HCN1: variants seen among roughly 807,000 people sequenced by gnomAD.
The protein encoded by HCN1 is hyperpolarization activated cyclic nucleotide gated potassium channel 1.
In HCN1, 13 loss-of-function variants were observed where a neutral mutation model predicts 78.9. The ratio of observed to expected loss-of-function variants is 0.16; its 90% CI spans 0.11 to 0.26. The LOEUF is 0.26. Among genes scored for constraint, HCN1 ranks in the 10% least tolerant of loss-of-function variants. HCN1 has a pLI of 1.00. For missense variants in HCN1, 810 were observed against 1,154.3 expected (o/e 0.70, Z 4.32); for synonymous variants, 552 against 455.5 (o/e 1.21, Z -2.70).
At chr5:45,452,332 G>GT (rs1232001069) in intron 3 of HCN1, among the ~76,000 whole-genome samples, 1,663 of 128,534 alleles carry the variant, frequency 0.013, 16 homozygotes, top group African/African-American at 0.025. Context: ...TTTTTTTTTT[G>GT]TTTTTTTTTT....
chr5:45,694,757 G>A (rs188996186), intron 1 of HCN1, among the ~76,000 whole-genome samples: 96 of 152,274 alleles, frequency 6.3e-4, no homozygotes, highest in Non-Finnish European at 8.1e-4. Flanking sequence ...ACCTTCATTT[G>A]ACAATCTCTA....
At chr5:45,579,947 G>A (rs1285041635) in intron 2 of HCN1, among the ~76,000 whole-genome samples, 1 of 152,132 alleles carries the variant, frequency 6.6e-6, no homozygotes, top group South Asian at 2.1e-4. Flanking sequence ...TGGTCAAAGT[G>A]TCAAAATATG....
intron 4 of HCN1, among the ~76,000 whole-genome samples, chr5:45,359,952 T>A (rs544824188): frequency 6.6e-6 from 1 of 150,856 alleles, no homozygotes; most frequent in Non-Finnish European, 1.5e-5. Flanking sequence ...TATATATATA[T>A]ATATATATTT....
chr5:45,416,505 C>CAA (rs1322658508), intron 3 of HCN1, among the ~76,000 whole-genome samples: 2 of 151,782 alleles, frequency 1.3e-5, no homozygotes, highest in Non-Finnish European at 1.5e-5. Flanking sequence ...ATGAAGAAAA[C>CAA]AAAAACAGCA....
intron 2 of HCN1, among the ~76,000 whole-genome samples, chr5:45,605,404 G>A (rs992093147): frequency 8.6e-5 from 13 of 151,940 alleles, no homozygotes; most frequent in Non-Finnish European, 1.9e-4. Flanking sequence ...ATGAATTAGA[G>A]TCAATCTAAA....
At chr5:45,339,024 A>T (rs1561112965) in intron 5 of HCN1, among the ~76,000 whole-genome samples, 2 of 152,314 alleles carry the variant, frequency 1.3e-5, no homozygotes, top group East Asian at 3.9e-4. Context: ...GCACATGGAG[A>T]AACCCTGTTT....
At chr5:45,322,957 G>C (rs2111938820) in intron 5 of HCN1, among the ~76,000 whole-genome samples, 1 of 151,814 alleles carries the variant, frequency 6.6e-6, no homozygotes, top group Non-Finnish European at 1.5e-5. Flanking sequence ...AATTGCATGG[G>C]GTTTTCAGGC....
At chr5:45,463,756 A>C (rs1238681974) in intron 2 of HCN1, among the ~76,000 whole-genome samples, 4 of 152,046 alleles carry the variant, frequency 2.6e-5, no homozygotes, top group Admixed American at 1.3e-4. Context: ...TCATGAACTT[A>C]GTTTTTTTGT....
At chr5:45,346,959 G>C (rs1169076696) in intron 5 of HCN1, among the ~76,000 whole-genome samples, 1 of 152,226 alleles carries the variant, frequency 6.6e-6, no homozygotes, top group Non-Finnish European at 1.5e-5. Context: ...CAAAAAGACA[G>C]CAGTAACCTC....
chr5:45,338,057 G>A (rs765299503), intron 5 of HCN1, among the ~76,000 whole-genome samples: 11 of 152,068 alleles, frequency 7.2e-5, no homozygotes, highest in African/African-American at 2.2e-4. Context: ...AGTTCTTACC[G>A]CCATTTTACA....
intron 3 of HCN1, among the ~76,000 whole-genome samples, chr5:45,421,812 T>C (rs1039405670): frequency 3.3e-5 from 5 of 152,178 alleles, no homozygotes; most frequent in African/African-American, 9.6e-5. Context: ...GAATTCTTGC[T>C]CAGGTTTGTC....
In HCN1 at chr5:45,438,508, G is replaced by A. The variant is rs773129719; in HGVS notation, c.1011+23338C>T. ...TGGGGGGCTGAGGTAGGAGAATGGC[G>A]TGAACCTGGGAGGTGGAGCTTGCAG... is the stretch of plus-strand genomic sequence containing the variant. On this transcript the variant is annotated intron_variant, in intron 3 of 7. Coordinates refer to ENST00000303230, the MANE Select transcript of HCN1 (RefSeq NM_021072.4). Among the ~76,000 whole-genome samples the A allele has an allele frequency of 3.4e-4, 51 of 151,350 alleles. 1 individual carries two copies. Among genetic ancestry groups the A allele is most frequent in the Admixed American group, 2.3e-3 (35 of 15,188 alleles).
chr5:45,283,594 C>T (rs1168463827), intron 6 of HCN1, among the ~76,000 whole-genome samples: 3 of 152,004 alleles, frequency 2.0e-5, no homozygotes, highest in African/African-American at 7.3e-5. Flanking sequence ...TAATGAGATA[C>T]CATCTCACAC....
At chr5:45,522,902 C>T (rs890160471) in intron 2 of HCN1, among the ~76,000 whole-genome samples, 12 of 151,700 alleles carry the variant, frequency 7.9e-5, no homozygotes, top group Non-Finnish European at 1.6e-4. Context: ...TACATGTGCA[C>T]AATGTGCAGG....
chr5:45,409,009 A>C (rs970879208), intron 3 of HCN1, among the ~76,000 whole-genome samples: 1 of 152,120 alleles, frequency 6.6e-6, no homozygotes, highest in African/African-American at 2.4e-5. Flanking sequence ...GCAGTTTTGT[A>C]TATGGAATTC....
chr5:45,497,711 CA>C (rs1186129420), intron 2 of HCN1, among the ~76,000 whole-genome samples: 1 of 152,002 alleles, frequency 6.6e-6, no homozygotes, highest in Admixed American at 6.6e-5. Context: ...CATGAATTTG[CA>C]GCAGCTGGTA....
chr5:45,375,747 T>G (rs1318684821), intron 4 of HCN1, among the ~76,000 whole-genome samples: 1 of 113,660 alleles, frequency 8.8e-6, no homozygotes, highest in African/African-American at 3.9e-5. Context: ...ATATCTTATA[T>G]ATAATATCAT....
At chr5:45,620,024 C>A (rs576810079) in intron 2 of HCN1, among the ~76,000 whole-genome samples, 357 of 152,082 alleles carry the variant, frequency 2.3e-3, no homozygotes, top group African/African-American at 8.1e-3. Context: ...TTATGTAACC[C>A]TAGTTAGATA....
intron 3 of HCN1, among the ~76,000 whole-genome samples, chr5:45,447,184 G>C (rs145009395): frequency 0.096 from 14,664 of 152,224 alleles, 948 homozygotes; most frequent in Middle Eastern, 0.17. Flanking sequence ...TAAAAGGATG[G>C]AGGAAGGTCT....
Sources: gnomAD v4.1 joint callset for allele counts (sites outside exome capture counted in the v4.1 genomes callset) on GRCh38, gnomAD v4.1.1 for gene constraint, MANE v1.5 for transcripts, NCBI Gene and HGNC (gene_info 2026-07-23, HGNC 2026-07-21) for gene names.